BET1: variants seen among roughly 807,000 people sequenced by gnomAD.
The protein encoded by BET1 is Bet1 golgi vesicular membrane trafficking protein, also known as BET1 homolog.
A neutral mutation model predicts 13.9 loss-of-function variants in BET1; 9 were observed. The ratio of observed to expected loss-of-function variants is 0.65; its 90% CI spans 0.39 to 1.13. BET1 has a LOEUF of 1.13. Among genes scored for constraint, BET1 ranks in the 50% most tolerant of loss-of-function variants. The pLI, the probability that BET1 is intolerant of heterozygous loss-of-function variation, is 0.01. For synonymous variants in BET1, 39 were observed against 47.3 expected (o/e 0.82, Z 0.72); for missense variants, 127 against 133.6 (o/e 0.95, Z 0.24).
intron 5 of BET1, among the ~76,000 whole-genome samples, chr7:93,973,382 C>T (rs1795288739): frequency 1.3e-5 from 2 of 151,892 alleles, no homozygotes; most frequent in South Asian, 2.1e-4. Context: ...AAAGTAAAGG[C>T]TCAAAACTTC....
At chr7:93,979,139 T>C (rs970095143) in intron 4 of BET1, among the ~76,000 whole-genome samples, 3 of 152,184 alleles carry the variant, frequency 2.0e-5, no homozygotes, top group African/African-American at 4.8e-5. Flanking sequence ...TGAGCCTACA[T>C]CTGGCTTTCA....
downstream of BET1, among the ~76,000 whole-genome samples, chr7:93,991,144 C>A (rs7809864): frequency 2.6e-5 from 4 of 152,032 alleles, no homozygotes; most frequent in Non-Finnish European, 5.9e-5. Context: ...TAACCACATG[C>A]CTTTTCCATA....
intron 3 of BET1, among the ~76,000 whole-genome samples, chr7:93,994,844 T>G (rs552261679): frequency 2.0e-5 from 3 of 150,294 alleles, no homozygotes; most frequent in Non-Finnish European, 4.4e-5. Context: ...GTACTTTTAT[T>G]TACTTATTTA....
chr7:93,971,062 C>T (rs1050671165), intron 6 of BET1, among the ~76,000 whole-genome samples: 1 of 151,734 alleles, frequency 6.6e-6, no homozygotes, highest in Non-Finnish European at 1.5e-5. Context: ...TGTTATTAAG[C>T]AAATTGCCTG....
intron 6 of BET1, among the ~76,000 whole-genome samples, chr7:93,966,726 G>T (rs913042548): frequency 6.6e-6 from 1 of 151,530 alleles, no homozygotes; most frequent in Non-Finnish European, 1.5e-5. Context: ...GTATGATAGA[G>T]CTATTTGGAT....
At chr7:93,987,202 T>C (rs1360343960) in intron 4 of BET1, 2 of 152,008 alleles carry the variant, frequency 1.3e-5, no homozygotes, top group Admixed American at 6.6e-5. Flanking sequence ...CTGATAAACC[T>C]CTCATGCCTT....
At chr7:93,996,171 A>T in intron 3 of BET1, 94 bp downstream of exon 3, 1 of 941,154 alleles carries the variant, frequency 1.1e-6, no homozygotes, top group Non-Finnish European at 1.6e-6. Context: ...TCAAGGACTT[A>T]CGATCTCTGT....
At position 93,994,236 on chromosome 7, in the gene BET1, C is replaced by T; in HGVS notation, c.351G>A (p.Leu117=). 2 of 1,602,758 alleles carry T rather than the reference C, an allele frequency of 1.2e-6. No homozygotes were observed. Among genetic ancestry groups the T allele is most frequent in the Non-Finnish European group, 1.7e-6 (2 of 1,175,442 alleles). Residue 117 remains leucine (L), a synonymous_variant, in exon 4 of 4, where the codon CTG becomes CTA. Coordinates refer to ENST00000222547, the MANE Select transcript of BET1 (RefSeq NM_005868.6). ...AAATTCACAATTACATGCATCACCT[C>T]AGTTTAATAATCCAATAAATGATAA... The part of the protein sequence containing the change: ...VFFIIYWIIK[L]R
chr7:93,989,532 TTTGTCTTGTCC>T (rs1795591990), downstream of BET1, among the ~76,000 whole-genome samples: 1 of 152,206 alleles, frequency 6.6e-6, no homozygotes, highest in Admixed American at 6.5e-5. Context: ...AACTTTGCAA[TTTGTCTTGTCC>T]CATCTGTTAC....
intron 3 of BET1, among the ~76,000 whole-genome samples, chr7:93,995,213 G>A (rs1291713498): frequency 1.3e-5 from 2 of 152,108 alleles, no homozygotes; most frequent in Non-Finnish European, 2.9e-5. Flanking sequence ...ATTAAGTTAA[G>A]AGAATATCAT....
At chr7:93,990,542 A>C (rs1174447232), downstream of BET1, among the ~76,000 whole-genome samples, 1 of 151,994 alleles carries the variant, frequency 6.6e-6, no homozygotes, top group Non-Finnish European at 1.5e-5. Flanking sequence ...ATAAATACTA[A>C]AAGTCAGATT....
At chr7:94,003,605 A>G (rs1030526611) in intron 1 of BET1, among the ~76,000 whole-genome samples, 3 of 152,196 alleles carry the variant, frequency 2.0e-5, no homozygotes, top group Admixed American at 2.0e-4. Context: ...AAAGGTAAAG[A>G]TCAAATGTTA....
At chr7:93,963,144 G>C (rs537825578) in exon 7 of BET1, 66 of 152,142 alleles carry the variant, frequency 4.3e-4, no homozygotes, top group African/African-American at 1.6e-3. Context: ...GGGTTAGTTA[G>C]AGATGTATTT....
chr7:93,991,704 T>C (rs1235687914), downstream of BET1: 18 of 786,096 alleles, frequency 2.3e-5, no homozygotes, highest in Non-Finnish European at 2.6e-5. Context: ...GTGTGAATGG[T>C]GGAGCCAGGA....
At chr7:93,992,635 A>T (rs1795660474), downstream of BET1, 1 of 985,152 alleles carries the variant, frequency 1.0e-6, no homozygotes, top group Non-Finnish European at 1.2e-6. Context: ...ATCACCTTGA[A>T]GCCTGAAAAC....
chr7:93,971,138 ATATATACTG>A (rs923734598), intron 6 of BET1, among the ~76,000 whole-genome samples: 6 of 151,850 alleles, frequency 4.0e-5, no homozygotes, highest in Non-Finnish European at 7.4e-5. Flanking sequence ...ATAGATTAAA[ATATATACTG>A]TATATACTGT....
intron 1 of BET1, among the ~76,000 whole-genome samples, chr7:94,002,467 A>G (rs1795929627): frequency 6.9e-6 from 1 of 144,552 alleles, no homozygotes; most frequent in African/African-American, 2.9e-5. Context: ...TTAAAAAAAA[A>G]AAAAAAAGAA....
intron 4 of BET1, among the ~76,000 whole-genome samples, chr7:93,981,435 C>T (rs555966141): frequency 6.6e-6 from 1 of 152,120 alleles, no homozygotes; most frequent in Non-Finnish European, 1.5e-5. Context: ...CAAGTAAAAT[C>T]TTTTCCAAGT....
chr7:93,999,262 A>G lies in BET1; in HGVS notation c.52T>C (p.Tyr18His). 2 of 1,612,630 alleles carry G rather than the reference A, an allele frequency of 1.2e-6. No individual in the cohort carries two copies. Among genetic ancestry groups the G allele is most frequent in the South Asian group, 2.2e-5 (2 of 90,734 alleles). Reference protein sequence around the residue: ...EGVPPGNYGNYGYANSGYSAC... With the variant: ...EGVPPGNYGNHGYANSGYSAC... ...CTATACCCACTATTAGCATAGCCATAGTTCCCATAGTTGCCAGGAGGTACT... is the reference window on the plus strand; with the variant it reads ...CTATACCCACTATTAGCATAGCCATGGTTCCCATAGTTGCCAGGAGGTACT... The change falls in exon 2 of 4, where the codon TAT becomes CAT. Residue 18 changes from tyrosine to histidine, a missense_variant. Transcript: ENST00000222547.
Sources: gnomAD v4.1 joint callset for allele counts (sites outside exome capture counted in the v4.1 genomes callset) on GRCh38, gnomAD v4.1.1 for gene constraint, MANE v1.5 for transcripts, NCBI Gene and HGNC (gene_info 2026-07-23, HGNC 2026-07-21) for gene names.